Variants in RIC8B observed in about 807,000 individuals in gnomAD.
RIC8B encodes RIC8 guanine nucleotide exchange factor B, also known as chaperone Ric-8B.
RIC8B carries 16 observed loss-of-function variants against 57.5 expected under a neutral mutation model. That is an observed-to-expected ratio of 0.28 (90% CI 0.19 to 0.42). RIC8B has a LOEUF of 0.42. Among genes scored for constraint, RIC8B ranks in the 10% least tolerant of loss-of-function variants. RIC8B has a pLI of 1.00. For missense variants in RIC8B, 481 were observed against 677.0 expected (o/e 0.71, Z 3.21); for synonymous variants, 216 against 250.8 (o/e 0.86, Z 1.31).
Position 106,825,784 on chromosome 12 carries a change from T to C in RIC8B, c.800T>C (p.Val267Ala). ...AAVLRHCLLI[V>A]GPTEDKTEEL... ...GTCCTTCGTCATTGTTTACTAATCG[T>C]AGGTCCAACTGAAGACAAAACAGAA... The change falls in exon 4 of 10, where the codon GTA (valine) becomes GCA (alanine). Residue 267 changes from valine (V) to alanine (A), a missense_variant. Val to Ala is a moderately conservative substitution (Grantham distance 64). Around this residue, in one of 3 missense-constraint regions of RIC8B, gnomAD observed 421 missense variants for 560.9 expected, o/e 0.75. Coordinates refer to ENST00000392837, the MANE Select transcript of RIC8B (RefSeq NM_001330145.2). The C allele has an allele frequency of 6.2e-7, 1 of 1,613,778 alleles. No homozygotes were observed. Among genetic ancestry groups the C allele is most frequent in the Admixed American group, 1.7e-5 (1 of 60,018 alleles).
chr12:106,810,564 A>G (rs1442905815), intron 2 of RIC8B, among the ~76,000 whole-genome samples: 1 of 152,192 alleles, frequency 6.6e-6, no homozygotes, highest in African/African-American at 2.4e-5. Flanking sequence ...GGAAAATTTT[A>G]TGTTGAAAGT....
chr12:106,821,947 G>A (rs1325342067), intron 3 of RIC8B, among the ~76,000 whole-genome samples: 1 of 151,058 alleles, frequency 6.6e-6, no homozygotes. Context: ...CTGTGGTGGC[G>A]GGTGCCTGTA....
chr12:106,875,884 T>C (rs1007701223), intron 9 of RIC8B, among the ~76,000 whole-genome samples: 1 of 152,168 alleles, frequency 6.6e-6, no homozygotes, highest in Non-Finnish European at 1.5e-5. Flanking sequence ...AATCAAAAGA[T>C]TAATTTTAAA....
chr12:106,861,937 T>C (rs1238011258), intron 8 of RIC8B, among the ~76,000 whole-genome samples: 4 of 152,178 alleles, frequency 2.6e-5, no homozygotes, highest in Non-Finnish European at 5.9e-5. Flanking sequence ...TTGTTAGTTT[T>C]GTTTAGTAGA....
At chr12:106,865,205 C>T (rs1422700751) in intron 8 of RIC8B, among the ~76,000 whole-genome samples, 1 of 152,116 alleles carries the variant, frequency 6.6e-6, no homozygotes, top group Non-Finnish European at 1.5e-5. Context: ...GCAGCTGCAC[C>T]ATTTTATATT....
chr12:106,853,453 CTTTTTTTTTTTTTTTT>C (rs758876525), intron 7 of RIC8B, among the ~76,000 whole-genome samples: 12 of 38,042 alleles, frequency 3.2e-4, no homozygotes, highest in South Asian at 2.7e-3. Context: ...GCTTTATAGT[CTTTTTTTTTTTTTTTT>C]TTTTTTTTTT....
At chr12:106,776,220 C>A (rs1473110544) in intron 1 of RIC8B, among the ~76,000 whole-genome samples, 1 of 152,180 alleles carries the variant, frequency 6.6e-6, no homozygotes, top group Non-Finnish European at 1.5e-5. Flanking sequence ...TTCATAGGTT[C>A]TATCTATTCA....
intron 3 of RIC8B, among the ~76,000 whole-genome samples, chr12:106,817,065 C>T (rs547129488): frequency 2.6e-5 from 4 of 152,172 alleles, no homozygotes; most frequent in Admixed American, 2.0e-4. Context: ...TCTTGCCAAC[C>T]CAGTTAGATA....
intron 9 of RIC8B, among the ~76,000 whole-genome samples, chr12:106,884,441 A>G (rs1463626464): frequency 6.6e-6 from 1 of 152,112 alleles, no homozygotes; most frequent in Non-Finnish European, 1.5e-5. Flanking sequence ...CAGGAGACCC[A>G]TGTCCCAGGT....
chr12:106,813,583 G>A (rs2136282041), intron 2 of RIC8B, among the ~76,000 whole-genome samples: 1 of 152,246 alleles, frequency 6.6e-6, no homozygotes, highest in African/African-American at 2.4e-5. Flanking sequence ...ACCAAGGGAT[G>A]ACTACATTTA....
At chr12:106,843,186 A>C (rs1204309359) in intron 5 of RIC8B, among the ~76,000 whole-genome samples, 3 of 151,844 alleles carry the variant, frequency 2.0e-5, no homozygotes, top group African/African-American at 7.3e-5. Context: ...ACATCTTCCC[A>C]AAAAAAAGAA....
intron 7 of RIC8B, among the ~76,000 whole-genome samples, chr12:106,859,303 T>C (rs1949833294): frequency 6.6e-6 from 1 of 152,160 alleles, no homozygotes. Context: ...TAAAGGTGTT[T>C]AGAAATCACT....
chr12:106,815,556 G>C lies in RIC8B; in HGVS notation c.741+252G>C, dbSNP rs116158355. Among the ~76,000 whole-genome samples, 698 of 152,324 alleles carry C rather than the reference G, an allele frequency of 4.6e-3. 4 individuals carry two copies. The highest frequency in any genetic ancestry group is 0.016 in the African/African-American group (673 of 41,576). ...TGTAAGATGCCAAATATAGTTTTCT[G>C]AGTTGCATTATTCTCTCTTTTTAAG... is the stretch of plus-strand genomic sequence containing the variant. On this transcript the variant is annotated intron_variant, in intron 3 of 9. Coordinates refer to ENST00000392837, the MANE Select transcript of RIC8B (RefSeq NM_001330145.2).
chr12:106,838,899 G>C (rs1362978659), intron 4 of RIC8B, among the ~76,000 whole-genome samples: 4 of 148,152 alleles, frequency 2.7e-5, no homozygotes, highest in Non-Finnish European at 5.9e-5. Flanking sequence ...CATGCAAACA[G>C]ACAACAGGTA....
intron 8 of RIC8B, among the ~76,000 whole-genome samples, chr12:106,862,141 T>G (rs1048131831): frequency 6.6e-6 from 1 of 152,116 alleles, no homozygotes; most frequent in Non-Finnish European, 1.5e-5. Context: ...TACTTAAGCC[T>G]TACATCCCTA....
chr12:106,829,310 A>G (rs2046251198), intron 4 of RIC8B, among the ~76,000 whole-genome samples: 1 of 152,194 alleles, frequency 6.6e-6, no homozygotes, highest in Non-Finnish European at 1.5e-5. Flanking sequence ...CTTAGCCCAA[A>G]AAAGTTGGCA....
chr12:106,859,197 A>G (rs1949830743), intron 7 of RIC8B, among the ~76,000 whole-genome samples: 2 of 152,168 alleles, frequency 1.3e-5, no homozygotes, highest in African/African-American at 4.8e-5. Flanking sequence ...CTCAATTCTT[A>G]TCTTTTGATT....
Position 106,843,899 on chromosome 12 carries a change from C to T in RIC8B, c.1113C>T (p.Thr371=), listed in dbSNP as rs202034215. ...EGLTPVLSLL[T]ECSRAHRNIR... ...TAACTCCAGTTCTCAGCTTATTAAC[C>T]GAATGTTCCCGAGCCCATCGAAACA... The change falls in exon 6 of 10, where the codon ACC becomes ACT. Residue 371 remains threonine (T), a synonymous_variant. Transcript: ENST00000392837. The T allele has an allele frequency of 1.2e-5, 19 of 1,613,560 alleles. No individual in the cohort carries two copies. In the East Asian group the frequency reaches 1.8e-4, roughly 15 times the overall value.
chr12:106,865,931 C>T (rs1336402575), intron 8 of RIC8B, among the ~76,000 whole-genome samples: 1 of 152,190 alleles, frequency 6.6e-6, no homozygotes, highest in Non-Finnish European at 1.5e-5. Context: ...GAATGCCTGT[C>T]CTCCAGATAG....
Sources: gnomAD v4.1 joint callset for allele counts (sites outside exome capture counted in the v4.1 genomes callset) on GRCh38, gnomAD v4.1.1 for gene constraint, gnomAD v4.1.1 regional missense constraint, MANE v1.5 for transcripts, NCBI Gene and HGNC (gene_info 2026-07-23, HGNC 2026-07-21) for gene names.